The following PAK1 variants were observed in gnomAD, a reference collection of about 807,000 sequenced individuals.
PAK1 encodes p21 (RAC1) activated kinase 1.
PAK1 carries 29 observed loss-of-function variants against 67.4 expected under a neutral mutation model. That is an observed-to-expected ratio of 0.43 (90% CI 0.32 to 0.59). PAK1 has a LOEUF of 0.59. Ranked by LOEUF, PAK1 falls within the 20% of genes least tolerant of loss-of-function variation. PAK1 has a pLI of 0.07. For synonymous variants in PAK1, 223 were observed against 237.4 expected (o/e 0.94, Z 0.56); for missense variants, 337 against 670.7 (o/e 0.50, Z 5.50).
chr11:77,430,418 T>A (rs1955806572), intron 1 of PAK1, among the ~76,000 whole-genome samples: 1 of 152,222 alleles, frequency 6.6e-6, no homozygotes, highest in African/African-American at 2.4e-5. Flanking sequence ...GTCCTATGAG[T>A]GTCCGAATAA....
At chr11:77,413,387 A>C (rs1206867732) in intron 1 of PAK1, among the ~76,000 whole-genome samples, 1 of 152,244 alleles carries the variant, frequency 6.6e-6, no homozygotes, top group African/African-American at 2.4e-5. Context: ...AGCTTGGAAG[A>C]AGCAGCAGCA....
At chr11:77,405,371 AGAG>A (rs1271295359) in intron 1 of PAK1, among the ~76,000 whole-genome samples, 1 of 152,178 alleles carries the variant, frequency 6.6e-6, no homozygotes, top group Non-Finnish European at 1.5e-5. Flanking sequence ...CTCTAGCAGC[AGAG>A]GAGAACAGGC....
At chr11:77,436,807 A>C (rs1956147983) in intron 1 of PAK1, among the ~76,000 whole-genome samples, 1 of 152,182 alleles carries the variant, frequency 6.6e-6, no homozygotes, top group Non-Finnish European at 1.5e-5. Flanking sequence ...CTCCATCTCA[A>C]ACAGGGACTC....
the PAK1 span, among the ~76,000 whole-genome samples, chr11:77,491,976 A>C: frequency 6.6e-6 from 1 of 152,272 alleles, no homozygotes; most frequent in Non-Finnish European, 1.5e-5. Context: ...ACATACACTG[A>C]CAACAAAGGG....
chr11:77,347,564 A>G (rs1944622155), intron 9 of PAK1, among the ~76,000 whole-genome samples: 1 of 152,150 alleles, frequency 6.6e-6, no homozygotes, highest in South Asian at 2.1e-4. Context: ...AAATGCCATG[A>G]TAATATTATC....
chr11:77,513,810 C>T, the PAK1 span, among the ~76,000 whole-genome samples: 1 of 151,980 alleles, frequency 6.6e-6, no homozygotes, highest in African/African-American at 2.4e-5. Flanking sequence ...GAAGGCCTGC[C>T]TGCTATTCCT....
intron 1 of PAK1, among the ~76,000 whole-genome samples, chr11:77,417,711 G>C (rs1453448813): frequency 6.7e-6 from 1 of 150,354 alleles, no homozygotes; most frequent in Non-Finnish European, 1.5e-5. Context: ...TGGGGAGAGA[G>C]GGATTCTGCG....
intron 1 of PAK1, among the ~76,000 whole-genome samples, chr11:77,423,426 C>T (rs1019580270): frequency 6.0e-5 from 9 of 150,722 alleles, no homozygotes; most frequent in African/African-American, 2.2e-4. Flanking sequence ...CACACACACA[C>T]ACACACACAC....
At chr11:77,348,734 T>C (rs1944796616) in intron 9 of PAK1, among the ~76,000 whole-genome samples, 1 of 152,170 alleles carries the variant, frequency 6.6e-6, no homozygotes, top group African/African-American at 2.4e-5. Context: ...CTCAAATCCA[T>C]CCACTTCCCT....
At chr11:77,344,080 C>G in intron 9 of PAK1, 149 bp from the exon 10 acceptor site, 1 of 587,880 alleles carries the variant, frequency 1.7e-6, no homozygotes. Context: ...CTATGTAGAC[C>G]AGTGGTCTTC....
Position 77,353,587 on chromosome 11 carries a change from C to T in PAK1, c.785G>A (p.Ser262Asn). 6.2e-7 allele frequency: 1 copy of T among 1,609,354 alleles called. No individual in the cohort carries two copies. The highest frequency in any genetic ancestry group is 8.5e-7 in the Non-Finnish European group (1 of 1,175,768). The change falls in exon 8 of 15, where the codon AGT (serine) becomes AAT (asparagine). Residue 262 changes from serine to asparagine, a missense_variant. Around this residue, in one of 8 missense-constraint regions of PAK1, gnomAD observed 150 missense variants for 179.0 expected, o/e 0.84. Transcript: ENST00000356341. ...EILEKLRSIV[S>N]VGDPKKKYTR... ...ATATTTCTTCTTAGGATCGCCCACA[C>T]TCACTATGCTTCCTTTGAAAGAAAC...
intron 5 of PAK1, among the ~76,000 whole-genome samples, chr11:77,366,218 T>A (rs1306635616): frequency 1.3e-5 from 2 of 152,108 alleles, no homozygotes; most frequent in Non-Finnish European, 2.9e-5. Flanking sequence ...AAGAAGCCCA[T>A]CAGACTGAAA....
intron 14 of PAK1, among the ~76,000 whole-genome samples, chr11:77,329,844 G>A (rs1941027454): frequency 1.3e-5 from 2 of 152,132 alleles, no homozygotes; most frequent in African/African-American, 4.8e-5. Context: ...AAGTCAAATT[G>A]TCCCTGTTTG....
intron 1 of PAK1, among the ~76,000 whole-genome samples, chr11:77,398,767 A>C (rs1157982199): frequency 6.6e-6 from 1 of 152,022 alleles, no homozygotes; most frequent in Non-Finnish European, 1.5e-5. Flanking sequence ...GTTTAATCAG[A>C]CCTCATCTTT....
the PAK1 span, among the ~76,000 whole-genome samples, chr11:77,480,520 G>GTT: frequency 7.1e-6 from 1 of 140,136 alleles, no homozygotes; most frequent in African/African-American, 2.9e-5. Flanking sequence ...TAACCACCAT[G>GTT]GTTTTTTTTT....
At chr11:77,324,343 T>C (rs543282864) in intron 14 of PAK1, among the ~76,000 whole-genome samples, 2 of 152,058 alleles carry the variant, frequency 1.3e-5, no homozygotes, top group East Asian at 3.9e-4. Context: ...TGGCTAATTT[T>C]TGTATTTTTA....
intron 2 of PAK1, among the ~76,000 whole-genome samples, chr11:77,387,962 G>A (rs1950656136): frequency 6.6e-6 from 1 of 152,188 alleles, no homozygotes; most frequent in Non-Finnish European, 1.5e-5. Context: ...AAACACCTCA[G>A]ACTTCTTTCA....
chr11:77,387,365 C>T (rs1453974342), intron 2 of PAK1, among the ~76,000 whole-genome samples: 3 of 152,176 alleles, frequency 2.0e-5, no homozygotes, highest in Non-Finnish European at 4.4e-5. Context: ...GAGCCACTTG[C>T]ACCCCGCCCT....
intron 1 of PAK1, among the ~76,000 whole-genome samples, chr11:77,448,172 G>C (rs1211836998): frequency 6.6e-6 from 1 of 152,092 alleles, no homozygotes; most frequent in African/African-American, 2.4e-5. Flanking sequence ...AATCTCTCTG[G>C]ACCTCAATTA....
Sources: allele counts gnomAD v4.1 joint callset (sites outside exome capture counted in the v4.1 genomes callset), GRCh38; gene constraint gnomAD v4.1.1; regional missense constraint gnomAD v4.1.1; transcripts MANE v1.5; gene names NCBI Gene and HGNC (gene_info 2026-07-23, HGNC 2026-07-21).